Variants in CALN1 observed in about 807,000 individuals in gnomAD.
CALN1 encodes calcium-binding protein 8.
CALN1 carries 17 observed loss-of-function variants against 30.6 expected under a neutral mutation model. The ratio of observed to expected loss-of-function variants is 0.56; its 90% CI spans 0.38 to 0.83. The LOEUF is 0.83. CALN1 is among the 40% of genes least tolerant of loss of function. CALN1 has a pLI of 0.00. For missense variants in CALN1, 291 were observed against 354.9 expected (o/e 0.82, Z 1.45); for synonymous variants, 156 against 131.4 (o/e 1.19, Z -1.28).
intron 2 of CALN1, among the ~76,000 whole-genome samples, chr7:72,348,012 T>C (rs550950227): frequency 2.2e-4 from 33 of 152,128 alleles, no homozygotes; most frequent in African/African-American, 7.2e-4. Context: ...GTGCCCATAA[T>C]CCCAGCTACT....
At chr7:71,862,645 G>A (rs1224507611) in intron 5 of CALN1, among the ~76,000 whole-genome samples, 1 of 152,198 alleles carries the variant, frequency 6.6e-6, no homozygotes, top group Non-Finnish European at 1.5e-5. Flanking sequence ...TGCTGAGTTA[G>A]AATGGAAAGA....
intron 3 of CALN1, among the ~76,000 whole-genome samples, chr7:72,229,183 C>G (rs1412895969): frequency 6.6e-6 from 1 of 151,988 alleles, no homozygotes; most frequent in Non-Finnish European, 1.5e-5. Context: ...CCAAAGATGA[C>G]CATGTCCTGG....
At chr7:72,067,185 G>A (rs1804082596) in intron 4 of CALN1, among the ~76,000 whole-genome samples, 1 of 152,162 alleles carries the variant, frequency 6.6e-6, no homozygotes, top group African/African-American at 2.4e-5. Context: ...CGCAGAGATG[G>A]GAAAATAGAG....
At chr7:72,443,305 TG>T (rs368278641) in intron 1 of CALN1, among the ~76,000 whole-genome samples, 27 of 152,226 alleles carry the variant, frequency 1.8e-4, no homozygotes, top group African/African-American at 6.3e-4. Context: ...GGACACAGTT[TG>T]GTAAAGGATC....
intron 1 of CALN1, among the ~76,000 whole-genome samples, chr7:72,434,034 T>G (rs1278244860): frequency 1.3e-5 from 2 of 151,218 alleles, no homozygotes; most frequent in East Asian, 3.9e-4. Flanking sequence ...CTCTCCAGCC[T>G]GGGTGAAAAA....
intron 5 of CALN1, among the ~76,000 whole-genome samples, chr7:71,936,469 G>T (rs756114973): frequency 5.3e-5 from 8 of 151,832 alleles, no homozygotes; most frequent in Non-Finnish European, 1.0e-4. Flanking sequence ...ACACCAAGCT[G>T]GAAGGGCCAC....
chr7:72,409,874 T>G (rs1176886976), intron 1 of CALN1, among the ~76,000 whole-genome samples: 2 of 152,164 alleles, frequency 1.3e-5, no homozygotes, highest in Non-Finnish European at 2.9e-5. Context: ...CATCTTGTGG[T>G]CTCTGCTAGA....
intron 3 of CALN1, among the ~76,000 whole-genome samples, chr7:72,206,408 A>G (rs931095218): frequency 2.0e-5 from 3 of 152,188 alleles, no homozygotes; most frequent in Non-Finnish European, 4.4e-5. Flanking sequence ...TTTTGACTGC[A>G]TAGATTCGCT....
At chr7:72,378,537 AGT>A (rs1182443253) in intron 2 of CALN1, among the ~76,000 whole-genome samples, 2 of 152,136 alleles carry the variant, frequency 1.3e-5, no homozygotes, top group Non-Finnish European at 2.9e-5. Context: ...GTCACTCTCT[AGT>A]TAATCACTTC....
At chr7:71,798,043 G>T (rs574849844) in intron 6 of CALN1, among the ~76,000 whole-genome samples, 1 of 150,634 alleles carries the variant, frequency 6.6e-6, no homozygotes, top group South Asian at 2.1e-4. Context: ...GAGGCAGAGA[G>T]CAGGCAAGAG....
rs185338313 is a variant in CALN1 at position 71,921,831 on chromosome 7, C to A, written c.501+101826G>T. Among the ~76,000 whole-genome samples the A allele has an allele frequency of 2.0e-5, 3 of 151,978 alleles. No homozygotes were observed. In the East Asian group the frequency reaches 5.8e-4, roughly 29 times the overall value. ...CTCACTGTACCTCTGCACCATCCCC[C>A]CCGCCGCCATCCTACCCCCTTCCCA... On this transcript the variant is annotated intron_variant, in intron 5 of 6. Coordinates refer to ENST00000395275, the MANE Select transcript of CALN1 (RefSeq NM_031468.4).
chr7:72,071,767 TAATA>T (rs989455969), intron 4 of CALN1, among the ~76,000 whole-genome samples: 2 of 152,026 alleles, frequency 1.3e-5, no homozygotes, highest in Non-Finnish European at 2.9e-5. Flanking sequence ...AAGGAAAAAA[TAATA>T]AATCAACAAA....
chr7:71,963,898 C>T (rs928906941), intron 5 of CALN1, among the ~76,000 whole-genome samples: 1 of 152,172 alleles, frequency 6.6e-6, no homozygotes, highest in East Asian at 1.9e-4. Context: ...AATAGTGGAG[C>T]TGGGATTAGG....
intron 5 of CALN1, among the ~76,000 whole-genome samples, chr7:71,882,348 T>C (rs1792622893): frequency 6.6e-6 from 1 of 152,178 alleles, no homozygotes; most frequent in Non-Finnish European, 1.5e-5. Flanking sequence ...GGGGCCACTT[T>C]GGTAATCCAG....
chr7:72,375,596 T>G (rs1000103928), intron 2 of CALN1, among the ~76,000 whole-genome samples: 2 of 141,648 alleles, frequency 1.4e-5, no homozygotes, highest in African/African-American at 5.2e-5. Flanking sequence ...AAGGAAAAAA[T>G]AAAAGAATCT....
chr7:71,793,426 A>T (rs979474926), intron 6 of CALN1, among the ~76,000 whole-genome samples: 19 of 152,196 alleles, frequency 1.2e-4, no homozygotes, highest in Non-Finnish European at 2.8e-4. Context: ...ATTTTACACC[A>T]CATTCTGACA....
At chr7:71,951,945 T>C (rs988443441) in intron 5 of CALN1, among the ~76,000 whole-genome samples, 1 of 151,994 alleles carries the variant, frequency 6.6e-6, no homozygotes, top group Non-Finnish European at 1.5e-5. Flanking sequence ...TTTTTTTTTT[T>C]CCATTCCCCT....
At chr7:72,153,025 C>G (rs10950300) in intron 3 of CALN1, among the ~76,000 whole-genome samples, 114,543 of 152,176 alleles carry the variant, frequency 0.75, 43,545 homozygotes, top group East Asian at 0.96. Context: ...CTAGAACAGG[C>G]TAGAACCTCA....
intron 2 of CALN1, among the ~76,000 whole-genome samples, chr7:72,380,790 AG>A (rs1389206427): frequency 1.3e-5 from 2 of 152,198 alleles, no homozygotes; most frequent in Non-Finnish European, 2.9e-5. Flanking sequence ...GGCTGCAGTG[AG>A]CTATAAAGCC....
Sources: allele counts gnomAD v4.1 joint callset (sites outside exome capture counted in the v4.1 genomes callset), GRCh38; gene constraint gnomAD v4.1.1; transcripts MANE v1.5; gene names NCBI Gene and HGNC (gene_info 2026-07-23, HGNC 2026-07-21).